RABIF: variants seen among roughly 807,000 people sequenced by gnomAD.
The protein encoded by RABIF is guanine nucleotide exchange factor MSS4.
A neutral mutation model predicts 12.3 loss-of-function variants in RABIF; 13 were observed. That is an observed-to-expected ratio of 1.06 (90% CI 0.69 to 1.68). The LOEUF is 1.68. Ranked by LOEUF, RABIF falls within the 40% of genes most tolerant of loss-of-function variation. The probability of loss-of-function intolerance (pLI) is 0.00; values close to 1 mark genes in which losing one functional copy is unlikely to be tolerated. For missense variants in RABIF, 153 were observed against 158.0 expected (o/e 0.97, Z 0.17); for synonymous variants, 70 against 63.3 (o/e 1.11, Z -0.50).
In RABIF at chr1:202,879,684, G is replaced by A. The variant is rs1360708499; in HGVS notation, c.*1294C>T. 1 of 152,228 alleles carries A rather than the reference G, an allele frequency of 6.6e-6. No individual in the cohort carries two copies. The highest frequency in any genetic ancestry group is 1.5e-5 in the Non-Finnish European group (1 of 68,066). 9.4% of individuals were successfully genotyped at this position (152,228 alleles called of 1,614,324 possible). On this transcript the variant is annotated 3_prime_UTR_variant, in exon 2 of 2. Coordinates refer to ENST00000367262, the MANE Select transcript of RABIF (RefSeq NM_002871.5). ...AAGGCCACCTTGCACTGCAGTCGGG[G>A]AGCCCTTAGAAAGTTTGGGGGTAAA...
At chr1:202,888,076 T>G (rs1659589060) in intron 1 of RABIF, among the ~76,000 whole-genome samples, 1 of 152,220 alleles carries the variant, frequency 6.6e-6, no homozygotes, top group Non-Finnish European at 1.5e-5. Flanking sequence ...GGGTACCTCT[T>G]GCTCTTCTAC....
chr1:202,889,061 G>A lies in RABIF; in HGVS notation c.38C>T (p.Ala13Val), dbSNP rs1329260696. 2 of 1,611,202 alleles carry A rather than the reference G, an allele frequency of 1.2e-6. No individual in the cohort carries two copies. Among genetic ancestry groups the A allele is most frequent in the Non-Finnish European group, 8.5e-7 (1 of 1,179,046 alleles). The change falls in exon 1 of 2, where the codon GCC (alanine) becomes GTC (valine). Residue 13 changes from alanine to valine, a missense_variant. Transcript: ENST00000367262. Reference sequence around the variant, plus strand: ...CACCGCCTTCCGGTTTCGGCCCTCGGCTGACACTAACTCGCTCGGCTGCTC... The same window carrying A: ...CACCGCCTTCCGGTTTCGGCCCTCGACTGACACTAACTCGCTCGGCTGCTC... ...PAEQPSELVS[A>V]EGRNRKAVLC...
Position 202,881,205 on chromosome 1 carries a change from T to C in RABIF, c.145A>G (p.Arg49Gly), listed in dbSNP as rs1419677856. The change falls in exon 2 of 2, where the codon AGA becomes GGA. Residue 49 changes from arginine (R) to glycine (G), a missense_variant. Physicochemically the swap from Arg to Gly is moderately radical, Grantham distance 125. Around this residue, in one of 2 missense-constraint regions of RABIF, gnomAD observed 113 missense variants for 90.9 expected, o/e 1.24. Transcript: ENST00000367262. ...SRRQLFLPSM[R>G]KKPALSDGSN... ...CCGTCAGACAGAGCTGGCTTCTTTC[T>C]CATGGAGGGAAGGAAAAGCTGCAGT... is the stretch of plus-strand genomic sequence containing the variant. 2 of 1,612,640 alleles carry C rather than the reference T, an allele frequency of 1.2e-6. No homozygotes were observed. The highest frequency in any genetic ancestry group is 2.2e-5 in the South Asian group (2 of 91,054).
At chr1:202,886,585 A>AAAAAC (rs898244369) in intron 1 of RABIF, among the ~76,000 whole-genome samples, 6 of 152,196 alleles carry the variant, frequency 3.9e-5, no homozygotes, top group Middle Eastern at 3.4e-3. Flanking sequence ...ACTCCATCTC[A>AAAAAC]AAAACAAAAC....
At chr1:202,882,140 G>A (rs1659499887) in intron 1 of RABIF, among the ~76,000 whole-genome samples, 1 of 152,194 alleles carries the variant, frequency 6.6e-6, no homozygotes, top group Non-Finnish European at 1.5e-5. Flanking sequence ...AGCCCTTTGG[G>A]AGGCTGAAGC....
chr1:202,888,826 G>A, intron 1 of RABIF, 147 bp downstream of exon 1: 1 of 1,159,754 alleles, frequency 8.6e-7, no homozygotes, highest in Non-Finnish European at 1.1e-6. Flanking sequence ...GCGGAGCCTC[G>A]CCGAGCTGAG....
Position 202,878,843 on chromosome 1 carries a change from T to C in RABIF, c.*2135A>G, listed in dbSNP as rs1174742777. The C allele has an allele frequency of 6.6e-6, 1 of 152,222 alleles. No homozygotes were observed. The highest frequency in any genetic ancestry group is 2.4e-5 in the African/African-American group (1 of 41,464). The allele number at this position is 152,222 out of a possible 1,614,324, so 9.4% of individuals were successfully genotyped here. A position where few individuals can be genotyped will look rare whatever the true frequency, so the allele number is the denominator to read the frequency against. Reference sequence around the variant, plus strand: ...ATGAAGAAATGACGTTTGCATTTTATAGCTGACTAGATAATCAGTTGGTTG... The same window carrying C: ...ATGAAGAAATGACGTTTGCATTTTACAGCTGACTAGATAATCAGTTGGTTG... On this transcript the variant is annotated 3_prime_UTR_variant, in exon 2 of 2. Transcript: ENST00000367262.
At chr1:202,886,504 T>C (rs1307420331) in intron 1 of RABIF, among the ~76,000 whole-genome samples, 1 of 151,964 alleles carries the variant, frequency 6.6e-6, no homozygotes, top group Admixed American at 6.6e-5. Flanking sequence ...GAAAATCACT[T>C]GAACCCGGGA....
intron 1 of RABIF, among the ~76,000 whole-genome samples, chr1:202,883,167 A>C (rs1447519297): frequency 1.3e-5 from 2 of 151,958 alleles, no homozygotes; most frequent in Non-Finnish European, 2.9e-5. Context: ...CATATCACTT[A>C]TTTCCCATTT....
intron 1 of RABIF, among the ~76,000 whole-genome samples, chr1:202,881,756 C>T (rs1659495180): frequency 1.3e-5 from 2 of 152,202 alleles, no homozygotes; most frequent in Non-Finnish European, 2.9e-5. Context: ...GGTTTCACTG[C>T]TGTCCTCAAC....
chr1:202,882,459 G>A (rs1225572428), intron 1 of RABIF, among the ~76,000 whole-genome samples: 1 of 152,186 alleles, frequency 6.6e-6, no homozygotes, highest in African/African-American at 2.4e-5. Context: ...AGGAGGCTGA[G>A]GTGAGAGGAT....
Position 202,880,151 on chromosome 1 carries a change from T to C in RABIF, c.*827A>G, listed in dbSNP as rs1395340228. On this transcript the variant is annotated 3_prime_UTR_variant, in exon 2 of 2. Coordinates refer to ENST00000367262, the MANE Select transcript of RABIF (RefSeq NM_002871.5). Reference sequence around the variant, plus strand: ...TCCAGATGTGGCAAATTATAAACTTTTGTATAATGTGGCAAAGGCCTAACC... The same window carrying C: ...TCCAGATGTGGCAAATTATAAACTTCTGTATAATGTGGCAAAGGCCTAACC... 5 of 152,318 alleles carry C rather than the reference T, an allele frequency of 3.3e-5. No individual in the cohort carries two copies. Among genetic ancestry groups the C allele is most frequent in the African/African-American group, 7.2e-5 (3 of 41,586 alleles). The allele number at this position is 152,318 out of a possible 1,614,324, so 9.4% of individuals were successfully genotyped here.
intron 1 of RABIF, among the ~76,000 whole-genome samples, chr1:202,886,575 A>C (rs149069066): frequency 0.022 from 3,346 of 151,962 alleles, 55 homozygotes; most frequent in Middle Eastern, 0.082. Flanking sequence ...ACAGAGGGAG[A>C]CTCCATCTCA....
rs774877188 is a variant in RABIF, at chr1:202,881,057, TCA to T, written c.291_292del (p.Cys97Ter). On this transcript the variant is annotated stop_gained and frameshift_variant, in exon 2 of 2. Transcript: ENST00000367262. LOFTEE classifies it high-confidence loss of function. ...GCAATGCCAGCCAATTGGTCCAATT[TCA>T]CAGTCTGCGCAGACCAGAAACTTGA... 5 of 1,614,124 alleles carry T rather than the reference TCA, an allele frequency of 3.1e-6. No individual in the cohort carries two copies. The highest frequency in any genetic ancestry group is 4.2e-6 in the Non-Finnish European group (5 of 1,180,010).
Position 202,889,106 on chromosome 1 carries a change from G to A in RABIF, c.-8C>T. Reference sequence around the variant, plus strand: ...CTGCTCCGCTGGTTCCATCGCCGCTGCCGCCACAGGCTCCTCAGCCACGGC... The same window carrying A: ...CTGCTCCGCTGGTTCCATCGCCGCTACCGCCACAGGCTCCTCAGCCACGGC... On this transcript the variant is annotated 5_prime_UTR_variant, in exon 1 of 2. Transcript: ENST00000367262. The A allele has an allele frequency of 1.3e-6, 2 of 1,599,096 alleles. No individual in the cohort carries two copies. Among genetic ancestry groups the A allele is most frequent in the South Asian group, 1.1e-5 (1 of 89,730 alleles).
At chr1:202,887,029 GTTTT>G in intron 1 of RABIF, among the ~76,000 whole-genome samples, 1 of 26,218 alleles carries the variant, frequency 3.8e-5, no homozygotes, top group South Asian at 9.9e-4. Context: ...GCTATGTTTT[GTTTT>G]TTTTTTTTTT....
chr1:202,887,450 ACC>A (rs1299557815), intron 1 of RABIF, among the ~76,000 whole-genome samples: 269 of 151,224 alleles, frequency 1.8e-3, no homozygotes, highest in African/African-American at 6.2e-3. Context: ...AAGACTGGAC[ACC>A]CCTGTTTTAC....
chr1:202,886,774 G>A (rs1465574439), intron 1 of RABIF, among the ~76,000 whole-genome samples: 2 of 146,922 alleles, frequency 1.4e-5, no homozygotes, highest in Non-Finnish European at 3.0e-5. Flanking sequence ...ACGGAGTCTC[G>A]CTCTGTCACT....
chr1:202,887,245 T>C (rs1358527269), intron 1 of RABIF, among the ~76,000 whole-genome samples: 1 of 152,094 alleles, frequency 6.6e-6, no homozygotes, highest in Non-Finnish European at 1.5e-5. Context: ...CATCTTCATT[T>C]TACAAGCTTG....
Sources: allele counts gnomAD v4.1 joint callset (sites outside exome capture counted in the v4.1 genomes callset), GRCh38; gene constraint gnomAD v4.1.1; regional missense constraint gnomAD v4.1.1; transcripts MANE v1.5; gene names NCBI Gene and HGNC (gene_info 2026-07-23, HGNC 2026-07-21).